Variants in ABCA12 observed in about 807,000 individuals in gnomAD.
ABCA12 encodes the protein ATP binding cassette subfamily A member 12, also known as glucosylceramide transporter ABCA12.
ABCA12 carries 156 observed loss-of-function variants against 293.5 expected under a neutral mutation model. That is an observed-to-expected ratio of 0.53 (90% confidence interval 0.47 to 0.61). ABCA12 has a LOEUF of 0.61. Among genes scored for constraint, ABCA12 ranks in the 20% least tolerant of loss-of-function variants. ABCA12 has a pLI of 0.00. For synonymous variants in ABCA12, 1,063 were observed against 1,108.0 expected (o/e 0.96, Z 0.81); for missense variants, 2,797 against 3,090.2 (o/e 0.91, Z 2.25).
At chr2:215,110,104 T>C (rs1702540919) in intron 2 of ABCA12, among the ~76,000 whole-genome samples, 1 of 152,180 alleles carries the variant, frequency 6.6e-6, no homozygotes, top group Non-Finnish European at 1.5e-5. Context: ...CAATCTGTTA[T>C]AAATAACTAA....
chr2:214,988,218 A>ACTT (rs1420708404), intron 26 of ABCA12, among the ~76,000 whole-genome samples: 1 of 152,178 alleles, frequency 6.6e-6, no homozygotes, highest in Non-Finnish European at 1.5e-5. Context: ...TAATTTTGCC[A>ACTT]CTTAGAAAAA....
At chr2:214,936,704 A>T (rs1698230288) in intron 51 of ABCA12, among the ~76,000 whole-genome samples, 1 of 152,192 alleles carries the variant, frequency 6.6e-6, no homozygotes. Context: ...CTAGAACTTG[A>T]GGACTTGATT....
At chr2:215,055,122 G>T (rs911474489) in intron 3 of ABCA12, among the ~76,000 whole-genome samples, 1 of 152,026 alleles carries the variant, frequency 6.6e-6, no homozygotes, top group African/African-American at 2.4e-5. Context: ...TTTCAACACA[G>T]GTTCAAGGAA....
chr2:214,951,097 CA>C lies in ABCA12; in HGVS notation c.6648-15del, dbSNP rs1277316149. The C allele has an allele frequency of 6.2e-7, 1 of 1,608,086 alleles. No homozygotes were observed. Among genetic ancestry groups the C allele is most frequent in the South Asian group, 1.1e-5 (1 of 90,968 alleles). ...CTGAAGAAAAGCCTAAAAATGGACC[CA>C]GTGATTTTACGTCAATGATTTTGAA... is the stretch of plus-strand genomic sequence containing the variant. On this transcript the variant is annotated splice_polypyrimidine_tract_variant and intron_variant, in intron 44 of 52. Transcript: ENST00000272895.
At chr2:214,946,039 C>A (rs1698572814) in intron 48 of ABCA12, among the ~76,000 whole-genome samples, 1 of 151,898 alleles carries the variant, frequency 6.6e-6, no homozygotes, top group African/African-American at 2.4e-5. Context: ...ACAATAATTT[C>A]TTGTATATTT....
chr2:214,995,375 T>C (rs1184670059), intron 23 of ABCA12, among the ~76,000 whole-genome samples: 1 of 152,212 alleles, frequency 6.6e-6, no homozygotes, highest in East Asian at 1.9e-4. Context: ...AAAAGTGACT[T>C]TGAGTTTCTG....
At chr2:215,046,641 T>C (rs548047844) in intron 6 of ABCA12, among the ~76,000 whole-genome samples, 66 of 141,342 alleles carry the variant, frequency 4.7e-4, no homozygotes, top group African/African-American at 2.1e-3. Context: ...CTGCCAATTT[T>C]GTTAAAAAAA....
chr2:214,932,659 G>A lies in ABCA12; in HGVS notation c.7763C>T (p.Ser2588Leu). 1.2e-6 allele frequency: 2 copies of A among 1,613,390 alleles called. No individual in the cohort carries two copies. Among genetic ancestry groups the A allele is most frequent in the Non-Finnish European group, 1.7e-6 (2 of 1,179,554 alleles). The change falls in exon 53 of 53, where the codon TCA (serine) becomes TTA (leucine). Residue 2588 changes from serine (S) to leucine (L), a missense_variant. Physicochemically the swap from Ser to Leu is moderately radical, Grantham distance 145. Coordinates refer to ENST00000272895, the MANE Select transcript of ABCA12 (RefSeq NM_173076.3). ...SSQGSTISVD[S>L]QDDQMES The stretch of plus-strand genomic sequence containing the variant: ...TTAAGACTCCATCTGGTCATCTTGT[G>A]AGTCAACACTTATAGTGGAACCTTG...
intron 7 of ABCA12, among the ~76,000 whole-genome samples, chr2:215,038,477 G>A (rs1445384441): frequency 6.6e-6 from 1 of 152,150 alleles, no homozygotes; most frequent in African/African-American, 2.4e-5. Context: ...AGAGCCCACA[G>A]GCATTTTTAA....
chr2:214,995,079 T>A (rs746858324), intron 23 of ABCA12, among the ~76,000 whole-genome samples: 6 of 152,230 alleles, frequency 3.9e-5, no homozygotes, highest in Non-Finnish European at 7.3e-5. Flanking sequence ...AGGCATTTTT[T>A]AAGTACTTTT....
intron 39 of ABCA12, among the ~76,000 whole-genome samples, chr2:214,965,967 A>G (rs1699247957): frequency 6.6e-6 from 1 of 152,228 alleles, no homozygotes; most frequent in Non-Finnish European, 1.5e-5. Context: ...TCACAATAGC[A>G]AAGATATGGA....
intron 42 of ABCA12, 114 bp from the exon 43 acceptor site, chr2:214,955,475 A>G: frequency 9.5e-7 from 1 of 1,054,154 alleles, no homozygotes; most frequent in South Asian, 1.4e-5. Context: ...TGAGCCCAGG[A>G]GTTTGAGACC....
intron 26 of ABCA12, among the ~76,000 whole-genome samples, chr2:214,988,802 C>T (rs1699843107): frequency 6.6e-6 from 1 of 151,938 alleles, no homozygotes; most frequent in Non-Finnish European, 1.5e-5. Context: ...ATTATCTCAT[C>T]CTGAAAATTT....
In ABCA12 at chr2:215,025,902, T is replaced by C. The variant is rs181236382; in HGVS notation, c.1181-123A>G. The C allele has an allele frequency of 7.5e-5, 51 of 676,336 alleles. No homozygotes were observed. In the African/African-American group the frequency reaches 8.1e-4, roughly 11 times the overall value. 41.9% of individuals were successfully genotyped at this position (676,336 alleles called of 1,614,324 possible). On this transcript the variant is annotated intron_variant, in intron 10 of 52. Coordinates refer to ENST00000272895, the MANE Select transcript of ABCA12 (RefSeq NM_173076.3). The stretch of plus-strand genomic sequence containing the variant: ...TTCCTAAGATAATAGCCTACCTCAA[T>C]ACAAACATAAGATGAATGAAAATTT...
At chr2:214,985,357 G>C (rs966112790) in intron 28 of ABCA12, among the ~76,000 whole-genome samples, 1 of 152,126 alleles carries the variant, frequency 6.6e-6, no homozygotes, top group African/African-American at 2.4e-5. Context: ...TAAATGATGA[G>C]AATACACGGA....
At chr2:215,036,932 A>G (rs751663191) in intron 8 of ABCA12, 21 bp downstream of exon 8, 2 of 1,598,680 alleles carry the variant, frequency 1.3e-6, no homozygotes, top group South Asian at 1.1e-5. Context: ...AATTTAACAC[A>G]GTAAGATGGA....
intron 42 of ABCA12, 30 bp from the exon 43 acceptor site, chr2:214,955,391 T>A (rs1698913637): frequency 6.2e-7 from 1 of 1,612,332 alleles, no homozygotes; most frequent in African/African-American, 1.3e-5. Context: ...AGAATTAAAA[T>A]TACGCCTCGG....
At chr2:215,090,837 CCTT>C (rs910250631) in intron 2 of ABCA12, among the ~76,000 whole-genome samples, 7 of 152,134 alleles carry the variant, frequency 4.6e-5, no homozygotes, top group Non-Finnish European at 1.0e-4. Flanking sequence ...CACCATTCAT[CCTT>C]CTTCTCCCTT....
chr2:215,044,926 GAC>G (rs1221336049), intron 7 of ABCA12, among the ~76,000 whole-genome samples: 3 of 152,114 alleles, frequency 2.0e-5, no homozygotes, highest in African/African-American at 7.2e-5. Flanking sequence ...TGCTATTAGT[GAC>G]ATATAAGAGA....
Sources: gnomAD v4.1 joint callset for allele counts (sites outside exome capture counted in the v4.1 genomes callset) on GRCh38, gnomAD v4.1.1 for gene constraint, MANE v1.5 for transcripts, NCBI Gene and HGNC (gene_info 2026-07-23, HGNC 2026-07-21) for gene names.